CDKL1: variants seen among roughly 807,000 people sequenced by gnomAD.
CDKL1 encodes the protein cyclin dependent kinase like 1.
A neutral mutation model predicts 42.0 loss-of-function variants in CDKL1; 41 were observed. That is an observed-to-expected ratio of 0.98 (90% CI 0.76 to 1.27). The LOEUF (loss-of-function observed/expected upper bound fraction) is 1.27. Ranked by LOEUF, CDKL1 falls within the 50% of genes most tolerant of loss-of-function variation. CDKL1 has a pLI of 0.00. For synonymous variants in CDKL1, 153 were observed against 158.6 expected (o/e 0.96, Z 0.26); for missense variants, 394 against 428.4 (o/e 0.92, Z 0.71).
chr14:50,326,820 C>A lies in CDKL1; in HGVS notation c.*3254G>T, dbSNP rs1595230038. ...CTTTGGGAGGCTGAGGTGGGAGGATCACTTGAGACCAGGAGTTTGAGACCA... is the reference window on the plus strand; with the variant it reads ...CTTTGGGAGGCTGAGGTGGGAGGATAACTTGAGACCAGGAGTTTGAGACCA... On this transcript the variant is annotated 3_prime_UTR_variant, in exon 10 of 10. Coordinates refer to ENST00000395834, the MANE Select transcript of CDKL1 (RefSeq NM_004196.7). 5.4e-6 allele frequency: 5 copies of A among 929,418 alleles called. No homozygotes were observed. Among genetic ancestry groups the A allele is most frequent in the Non-Finnish European group, 6.4e-6 (5 of 779,150 alleles). The allele number at this position is 929,418 out of a possible 1,614,324, so 57.6% of individuals were successfully genotyped here. A position where few individuals can be genotyped will look rare whatever the true frequency, so the allele number is the denominator to read the frequency against.
intron 2 of CDKL1, chr14:50,377,501 T>A: frequency 1.9e-6 from 2 of 1,026,434 alleles, no homozygotes; most frequent in Non-Finnish European, 2.5e-6. Flanking sequence ...TGTCTCAGAC[T>A]TTACTTTCTG....
At chr14:50,396,919 C>G (rs1158670908), upstream of CDKL1, 2 of 305,708 alleles carry the variant, frequency 6.5e-6, no homozygotes, top group Non-Finnish European at 1.1e-5. Flanking sequence ...CTATGGGAAC[C>G]GGCTCCCGCC....
intron 2 of CDKL1, among the ~76,000 whole-genome samples, chr14:50,379,508 A>G (rs942416669): frequency 6.6e-6 from 1 of 152,186 alleles, no homozygotes; most frequent in Non-Finnish European, 1.5e-5. Context: ...GATGAAAGTG[A>G]TAAGATTCCA....
intron 2 of CDKL1, among the ~76,000 whole-genome samples, chr14:50,381,241 C>T (rs1202377976): frequency 2.0e-5 from 3 of 152,194 alleles, no homozygotes; most frequent in Non-Finnish European, 4.4e-5. Context: ...CCTGGCATGT[C>T]ATTGGGACTT....
intron 1 of CDKL1, 83 bp from the exon 2 acceptor site, chr14:50,396,412 G>A: frequency 1.2e-5 from 12 of 985,578 alleles, no homozygotes; most frequent in African/African-American, 1.7e-5. Context: ...ACAGCCTAGA[G>A]TTAGCTGCCT....
intron 2 of CDKL1, among the ~76,000 whole-genome samples, chr14:50,391,767 C>G (rs2139552271): frequency 6.6e-6 from 1 of 152,258 alleles, no homozygotes; most frequent in South Asian, 2.1e-4. Context: ...GCAATTCTCT[C>G]CCTCCTCCAA....
intron 3 of CDKL1, among the ~76,000 whole-genome samples, chr14:50,354,461 C>T (rs1180639626): frequency 1.3e-5 from 2 of 152,060 alleles, no homozygotes; most frequent in African/African-American, 2.4e-5. Flanking sequence ...AGGAAAGAAT[C>T]AATGAAGTCT....
intron 2 of CDKL1, among the ~76,000 whole-genome samples, chr14:50,361,624 C>G (rs1469927959): frequency 6.6e-6 from 1 of 152,230 alleles, no homozygotes; most frequent in Non-Finnish European, 1.5e-5. Context: ...ACCTTGAGCT[C>G]TTTATACGGG....
intron 2 of CDKL1, among the ~76,000 whole-genome samples, chr14:50,375,162 T>C (rs1206731365): frequency 6.6e-6 from 1 of 152,046 alleles, no homozygotes; most frequent in Non-Finnish European, 1.5e-5. Context: ...AAGATGAACA[T>C]GGAGCATCTT....
intron 2 of CDKL1, 101 bp from the exon 3 acceptor site, chr14:50,359,250 T>A: frequency 6.0e-6 from 8 of 1,336,256 alleles, no homozygotes; most frequent in Non-Finnish European, 6.1e-6. Flanking sequence ...TTTAAGAATT[T>A]CATTCTTAGA....
At chr14:50,380,754 A>G (rs1274820796) in intron 2 of CDKL1, among the ~76,000 whole-genome samples, 1 of 151,000 alleles carries the variant, frequency 6.6e-6, no homozygotes, top group Non-Finnish European at 1.5e-5. Context: ...GGAATGGCAT[A>G]TAAGTGGTAT....
At chr14:50,386,680 C>G (rs1468688592) in intron 2 of CDKL1, among the ~76,000 whole-genome samples, 2 of 151,760 alleles carry the variant, frequency 1.3e-5, no homozygotes, top group Non-Finnish European at 2.9e-5. Context: ...AACCCAGTAC[C>G]TTGGGAGACC....
At chr14:50,344,768 G>A (rs1404906172) in intron 4 of CDKL1, among the ~76,000 whole-genome samples, 1 of 152,090 alleles carries the variant, frequency 6.6e-6, no homozygotes, top group African/African-American at 2.4e-5. Context: ...CACCATGCCT[G>A]GCACTAGTTT....
intron 3 of CDKL1, among the ~76,000 whole-genome samples, chr14:50,353,936 T>A (rs1259874720): frequency 6.6e-6 from 1 of 151,998 alleles, no homozygotes; most frequent in Non-Finnish European, 1.5e-5. Flanking sequence ...AAGCTATTGA[T>A]TTTATTTATT....
At chr14:50,333,464 T>C (rs539408460) in intron 8 of CDKL1, 3 of 152,268 alleles carry the variant, frequency 2.0e-5, no homozygotes, top group Admixed American at 6.5e-5. Context: ...TTACCCTAAA[T>C]AGTCTAAAAA....
Position 50,371,202 on chromosome 14 carries a change from T to C in CDKL1, c.169-12053A>G, listed in dbSNP as rs142099204. ...ATGACTTTGGCTATTGTGAACAGTATTGCAATGAACATAGGAGGGCAGACA... is the reference window on the plus strand; with the variant it reads ...ATGACTTTGGCTATTGTGAACAGTACTGCAATGAACATAGGAGGGCAGACA... On this transcript the variant is annotated intron_variant, in intron 2 of 9. Coordinates refer to ENST00000395834, the MANE Select transcript of CDKL1 (RefSeq NM_004196.7). 3.1e-3 allele frequency among the ~76,000 whole-genome samples: 478 copies of C among 152,348 alleles called. 1 individual carries two copies. In the Middle Eastern group the frequency reaches 0.044, roughly 14 times the overall value.
chr14:50,335,488 A>T (rs2033216495), intron 7 of CDKL1: 3 of 1,536,082 alleles, frequency 2.0e-6, no homozygotes, highest in Non-Finnish European at 2.6e-6. Context: ...CCTGTGGGGC[A>T]TTCGTCAATC....
At chr14:50,352,480 A>G (rs1276171742) in intron 3 of CDKL1, among the ~76,000 whole-genome samples, 1 of 152,246 alleles carries the variant, frequency 6.6e-6, no homozygotes, top group East Asian at 1.9e-4. Flanking sequence ...ATTTTATACC[A>G]GAATCATTAT....
intron 2 of CDKL1, among the ~76,000 whole-genome samples, chr14:50,395,017 A>C (rs1157292277): frequency 2.0e-5 from 3 of 152,220 alleles, no homozygotes; most frequent in Non-Finnish European, 2.9e-5. Flanking sequence ...CACTTCTTTA[A>C]GAAAAACGCT....
Sources: gnomAD v4.1 joint callset for allele counts (sites outside exome capture counted in the v4.1 genomes callset) on GRCh38, gnomAD v4.1.1 for gene constraint, MANE v1.5 for transcripts, NCBI Gene and HGNC (gene_info 2026-07-23, HGNC 2026-07-21) for gene names.